The following RHBG variants were observed in gnomAD, a reference collection of about 807,000 sequenced individuals.
RHBG encodes the protein Rh family B glycoprotein.
In RHBG, 39 loss-of-function variants were observed where a neutral mutation model predicts 40.1. That is an observed-to-expected ratio of 0.97 (90% CI 0.75 to 1.27). RHBG has a LOEUF of 1.27. RHBG is among the 50% of genes most tolerant of loss of function. The pLI is 0.00. For missense variants in RHBG, 549 were observed against 588.1 expected, an observed-to-expected ratio of 0.93 and a Z score of 0.69; for synonymous variants, 237 against 252.5, an observed-to-expected ratio of 0.94 and a Z score of 0.58.
chr1:156,384,580 G>A lies in RHBG; in HGVS notation c.1288G>A (p.Glu430Lys), dbSNP rs372596217. Residue 430 changes from glutamate (E) to lysine (K), a missense_variant, in exon 9 of 10, where the codon GAG (glutamate) becomes AAG (lysine). Around this residue, in one of 3 missense-constraint regions of RHBG, gnomAD observed 399 missense variants for 417.0 expected, o/e 0.96. Coordinates refer to ENST00000537040, the MANE Select transcript of RHBG (RefSeq NM_020407.5). Reference sequence around the variant, plus strand: ...CTCCCCCCCAGACTCCCAGCACTACGAGGACCAAGTTCACTGGCAGGTGAG... The same window carrying A: ...CTCCCCCCCAGACTCCCAGCACTACAAGGACCAAGTTCACTGGCAGGTGAG... ...LDSPPDSQHY[E>K]DQVHWQVPGE... 20 of 1,582,852 alleles carry A rather than the reference G, an allele frequency of 1.3e-5. No individual in the cohort carries two copies. The highest frequency in any genetic ancestry group is 5.8e-5 in the South Asian group (5 of 86,734).
chr1:156,384,573 G>A lies in RHBG; in HGVS notation c.1281G>A (p.Gln427=). The part of the protein sequence containing the change: ...LPFLDSPPDS[Q]HYEDQVHWQV... The stretch of plus-strand genomic sequence containing the variant: ...TTCTGGACTCCCCCCCAGACTCCCA[G>A]CACTACGAGGACCAAGTTCACTGGC... The change falls in exon 9 of 10, where the codon CAG becomes CAA. Residue 427 remains glutamine, a synonymous_variant. Coordinates refer to ENST00000537040, the MANE Select transcript of RHBG (RefSeq NM_020407.5). 1 of 1,591,066 alleles carries A rather than the reference G, an allele frequency of 6.3e-7. No homozygotes were observed. Among genetic ancestry groups the A allele is most frequent in the African/African-American group, 1.3e-5 (1 of 74,306 alleles).
chr1:156,380,645 G>A (rs1213577384), intron 4 of RHBG, among the ~76,000 whole-genome samples: 4 of 144,282 alleles, frequency 2.8e-5, no homozygotes, highest in African/African-American at 1.0e-4. Context: ...AGAATCACTT[G>A]AACCTGGGAG....
intron 1 of RHBG, among the ~76,000 whole-genome samples, chr1:156,376,175 T>C (rs1384040362): frequency 6.6e-6 from 1 of 152,164 alleles, no homozygotes; most frequent in Non-Finnish European, 1.5e-5. Context: ...AATTCATCTA[T>C]AAAGTTAAAA....
In RHBG at chr1:156,378,418, G is replaced by A. The variant is rs770429534; in HGVS notation, c.673+19G>A. ...ATGATTGGTGAGGCCTTCGAGGTGC[G>A]GTAGCAGGGCAGGGGGCTGGTCTGG... On this transcript the variant is annotated intron_variant, in intron 4 of 9. Transcript: ENST00000537040. 4.1e-5 allele frequency: 65 copies of A among 1,574,970 alleles called. No homozygotes were observed. In the South Asian group the frequency reaches 4.2e-4, roughly 10 times the overall value.
chr1:156,373,142 G>T (rs1026386125), intron 1 of RHBG, among the ~76,000 whole-genome samples: 2 of 152,228 alleles, frequency 1.3e-5, no homozygotes, highest in East Asian at 3.9e-4. Context: ...GGTGCTTGGG[G>T]CTGGGCACCA....
chr1:156,378,532 C>A, intron 4 of RHBG, 133 bp downstream of exon 4: 1 of 1,083,108 alleles, frequency 9.2e-7, no homozygotes, highest in Non-Finnish European at 1.3e-6. Context: ...TTGGATTCTG[C>A]TGTGAGAGCT....
chr1:156,369,315 C>T lies in RHBG; in HGVS notation c.66C>T (p.Leu22=). The T allele has an allele frequency of 6.2e-7, 1 of 1,614,212 alleles. No individual in the cohort carries two copies. Among genetic ancestry groups the T allele is most frequent in the South Asian group, 1.1e-5 (1 of 91,084 alleles). ...AGCTTCCCCTGCTGTGCCTCTTCCT[C>T]CAGGGCGCCACTGCCGTCCTCTTTG... ...RLQLPLLCLF[L]QGATAVLFAV... is the part of the protein sequence containing the mutation. The change falls in exon 1 of 10, where the codon CTC becomes CTT. Residue 22 remains leucine (L), a synonymous_variant. Coordinates refer to ENST00000537040, the MANE Select transcript of RHBG (RefSeq NM_020407.5).
intron 4 of RHBG, among the ~76,000 whole-genome samples, chr1:156,380,154 A>G (rs909282086): frequency 2.0e-4 from 25 of 125,518 alleles, no homozygotes; most frequent in Non-Finnish European, 3.1e-4. Flanking sequence ...TCTGTCTCCC[A>G]GGCTGGAGTG....
At chr1:156,370,630 A>G (rs1279203540) in intron 1 of RHBG, among the ~76,000 whole-genome samples, 1 of 150,612 alleles carries the variant, frequency 6.6e-6, no homozygotes, top group Non-Finnish European at 1.5e-5. Flanking sequence ...AAAAAAAAAA[A>G]AAAAAAAAAA....
Position 156,377,941 on chromosome 1 carries a change from G to T in RHBG, c.375-49G>T, listed in dbSNP as rs777155154. On this transcript the variant is annotated intron_variant, in intron 2 of 9. Transcript: ENST00000537040. This position sits in a 1 kb window ranked among gnomAD's most constrained non-coding sequence, Gnocchi z 4.6. The stretch of plus-strand genomic sequence containing the variant: ...CTTCATGCCAGGCAGGAACCCCGAG[G>T]CCAGCCTCTCTGACCCCTCTTGTGC... 4.7e-6 allele frequency: 7 copies of T among 1,504,596 alleles called. No homozygotes were observed. Among genetic ancestry groups the T allele is most frequent in the East Asian group, 2.3e-5 (1 of 43,424 alleles). The allele number at this position is 1,504,596 out of a possible 1,614,324, so 93.2% of individuals were successfully genotyped here. A position where few individuals can be genotyped will look rare whatever the true frequency, so the allele number is the denominator to read the frequency against.
At chr1:156,378,469 T>C (rs894845388) in intron 4 of RHBG, 70 bp downstream of exon 4, 10 of 1,509,152 alleles carry the variant, frequency 6.6e-6, no homozygotes, top group Admixed American at 2.2e-5. Context: ...CAGAGGTGAC[T>C]GTCTCTCGGG....
intron 1 of RHBG, chr1:156,371,138 C>T: frequency 2.3e-6 from 1 of 431,200 alleles, no homozygotes; most frequent in Non-Finnish European, 4.5e-6. Context: ...TTAAAAATTT[C>T]CAGCTCTCAT....
chr1:156,377,900 CAT>C lies in RHBG; in HGVS notation c.375-89_375-88del. 1 of 1,277,144 alleles carries C rather than the reference CAT, an allele frequency of 7.8e-7. No homozygotes were observed. Among genetic ancestry groups the C allele is most frequent in the Non-Finnish European group, 1.1e-6 (1 of 928,274 alleles). The allele number at this position is 1,277,144 out of a possible 1,614,324, so 79.1% of individuals were successfully genotyped here. On this transcript the variant is annotated intron_variant, in intron 2 of 9. Coordinates refer to ENST00000537040, the MANE Select transcript of RHBG (RefSeq NM_020407.5). This position sits in a 1 kb window ranked among gnomAD's most constrained non-coding sequence, Gnocchi z 4.6. ...AACTCCAACCCCACCCCACCCACCA[CAT>C]CATGCTGTCCTGGCTTCATGCCAGG...
At position 156,378,026 on chromosome 1, in the gene RHBG, C is replaced by T. The variant is rs776960821; in HGVS notation, c.411C>T (p.Leu137=). The T allele has an allele frequency of 7.6e-6, 12 of 1,569,950 alleles. No homozygotes were observed. In the Admixed American group the frequency reaches 1.5e-4, roughly 19 times the overall value. Reference sequence around the variant, plus strand: ...CTGACTTTTGTGCGGGGGCCGTGCTCATCTCCTTTGGTGCCGTCCTGGGCA... The same window carrying T: ...CTGACTTTTGTGCGGGGGCCGTGCTTATCTCCTTTGGTGCCGTCCTGGGCA... ...INADFCAGAV[L]ISFGAVLGKT... is the part of the protein sequence containing the mutation. The change falls in exon 3 of 10, where the codon CTC becomes CTT. Residue 137 remains leucine (L), a synonymous_variant. Transcript: ENST00000537040.
chr1:156,373,612 A>G (rs979839893), intron 1 of RHBG, among the ~76,000 whole-genome samples: 1 of 152,188 alleles, frequency 6.6e-6, no homozygotes, highest in Non-Finnish European at 1.5e-5. Flanking sequence ...GAATGTTCCC[A>G]GAGAAGGAGA....
At chr1:156,384,449 G>A in intron 8 of RHBG, 78 bp from the exon 9 acceptor site, 1 of 1,306,312 alleles carries the variant, frequency 7.7e-7, no homozygotes, top group East Asian at 2.3e-5. Context: ...AGACCCCTGT[G>A]CCCTGTGGCA....
chr1:156,378,260 T>C lies in RHBG; in HGVS notation c.534T>C (p.Asp178=). 3 of 1,613,856 alleles carry C rather than the reference T, an allele frequency of 1.9e-6. No homozygotes were observed. Among genetic ancestry groups the C allele is most frequent in the Non-Finnish European group, 1.7e-6 (2 of 1,179,970 alleles). ...FVLLHLLGVR[D]AGGSMTIHTF... ...TCACCCCACCTCCCCAGGTGAGAGATGCCGGAGGCTCCATGACTATCCACA... is the reference window on the plus strand; with the variant it reads ...TCACCCCACCTCCCCAGGTGAGAGACGCCGGAGGCTCCATGACTATCCACA... Residue 178 remains aspartate, a synonymous_variant, in exon 4 of 10, where the codon GAT becomes GAC. Coordinates refer to ENST00000537040, the MANE Select transcript of RHBG (RefSeq NM_020407.5).
chr1:156,382,417 G>A (rs1667720321), intron 7 of RHBG: 1 of 659,002 alleles, frequency 1.5e-6, no homozygotes, highest in Non-Finnish European at 2.6e-6. Flanking sequence ...ATGACTTCAA[G>A]AGTGTTACTT....
intron 1 of RHBG, chr1:156,371,891 G>A (rs1021080607): frequency 6.6e-6 from 1 of 152,296 alleles, no homozygotes; most frequent in Non-Finnish European, 1.5e-5. Flanking sequence ...ATTGCAATAA[G>A]AGAGATATAA....
Sources: allele counts gnomAD v4.1 joint callset (sites outside exome capture counted in the v4.1 genomes callset), GRCh38; gene constraint gnomAD v4.1.1; regional missense constraint gnomAD v4.1.1; non-coding constraint Gnocchi (gnomAD v3.1); transcripts MANE v1.5; gene names NCBI Gene and HGNC (gene_info 2026-07-23, HGNC 2026-07-21).